The following CDK19 variants were observed in gnomAD, a reference collection of about 807,000 sequenced individuals.
CDK19 encodes cyclin dependent kinase 19.
In CDK19, 20 loss-of-function variants were observed where a neutral mutation model predicts 68.3. The ratio of observed to expected loss-of-function variants is 0.29; its 90% CI spans 0.21 to 0.43. The LOEUF (loss-of-function observed/expected upper bound fraction) is 0.43, where lower values mean the gene tolerates loss of function less well. Among genes scored for constraint, CDK19 ranks in the 20% least tolerant of loss-of-function variants. The pLI is 1.00. For synonymous variants in CDK19, 221 were observed against 222.8 expected (o/e 0.99, Z 0.07); for missense variants, 339 against 623.5 (o/e 0.54, Z 4.86).
intron 4 of CDK19, among the ~76,000 whole-genome samples, chr6:110,653,538 A>C (rs914164914): frequency 1.4e-4 from 22 of 152,214 alleles, no homozygotes; most frequent in Non-Finnish European, 3.1e-4. Context: ...CTGTGAAAGA[A>C]AGTGATACTG....
chr6:110,650,988 G>C (rs112476580), intron 4 of CDK19, among the ~76,000 whole-genome samples: 7 of 152,120 alleles, frequency 4.6e-5, no homozygotes, highest in African/African-American at 1.7e-4. Flanking sequence ...GTTTAGAGTG[G>C]TTAGGAAAAA....
Position 110,681,242 on chromosome 6 carries a change from A to T in CDK19, c.205-10701T>A, listed in dbSNP as rs375156282. Among the ~76,000 whole-genome samples, 69 of 151,840 alleles carry T rather than the reference A, an allele frequency of 4.5e-4. 2 individuals carry two copies. In the South Asian group the frequency reaches 0.014, roughly 32 times the overall value. On this transcript the variant is annotated intron_variant, in intron 2 of 12. Coordinates refer to ENST00000368911, the MANE Select transcript of CDK19 (RefSeq NM_015076.5). The stretch of plus-strand genomic sequence containing the variant: ...ATGCCTGTAGTCCCAGCTACTCGAG[A>T]GACTAAGGCAGGACAATCGCTTGAA...
chr6:110,645,918 C>G (rs1780536708), intron 4 of CDK19: 1 of 921,450 alleles, frequency 1.1e-6, no homozygotes, highest in Admixed American at 2.0e-5. Flanking sequence ...TGTGCCGGGA[C>G]AGCAGGTGCA....
chr6:110,777,355 C>T (rs778499065), intron 1 of CDK19, among the ~76,000 whole-genome samples: 2 of 152,090 alleles, frequency 1.3e-5, no homozygotes, highest in African/African-American at 2.4e-5. Context: ...TTTAAACTTG[C>T]TGTCATTTGG....
At chr6:110,777,939 T>C (rs946545181) in intron 1 of CDK19, among the ~76,000 whole-genome samples, 2 of 152,140 alleles carry the variant, frequency 1.3e-5, no homozygotes, top group Non-Finnish European at 2.9e-5. Flanking sequence ...GTCAAATTCA[T>C]AGAGACAGAA....
chr6:110,693,508 G>A (rs1230406611), intron 2 of CDK19, among the ~76,000 whole-genome samples: 2 of 152,252 alleles, frequency 1.3e-5, no homozygotes, highest in East Asian at 3.8e-4. Context: ...GCCCTGGGGT[G>A]AGAGTGCAGC....
chr6:110,743,898 T>A (rs981426219), intron 2 of CDK19, among the ~76,000 whole-genome samples: 1 of 151,672 alleles, frequency 6.6e-6, no homozygotes, highest in Non-Finnish European at 1.5e-5. Context: ...CATAGAAAAA[T>A]AGCCCACCAA....
intron 1 of CDK19, among the ~76,000 whole-genome samples, chr6:110,798,002 A>AAAAG (rs1562296768): frequency 1.3e-4 from 19 of 150,174 alleles, no homozygotes; most frequent in African/African-American, 3.7e-4. Flanking sequence ...AAAAAAAAAA[A>AAAAG]AAAGAAAGAA....
chr6:110,769,564 C>CAAA (rs199964074), intron 1 of CDK19, among the ~76,000 whole-genome samples: 35 of 117,952 alleles, frequency 3.0e-4, no homozygotes, highest in African/African-American at 9.8e-4. Context: ...GATTCCATCT[C>CAAA]AAAAAAAAAA....
chr6:110,703,343 A>G (rs974873369), intron 2 of CDK19, among the ~76,000 whole-genome samples: 11 of 152,148 alleles, frequency 7.2e-5, no homozygotes, highest in African/African-American at 2.7e-4. Flanking sequence ...AGGGAAATAT[A>G]TTAATTATGT....
In CDK19 at chr6:110,815,103, C is replaced by A. The variant is rs757584020; in HGVS notation, c.34G>T (p.Glu12Ter). ...AACAAATCCTCCACCCGCTCCCGCTCCGCCGCCAGCTTCGCCTTGAAATCA... is the reference window on the plus strand; with the variant it reads ...AACAAATCCTCCACCCGCTCCCGCTACGCCGCCAGCTTCGCCTTGAAATCA... ...DYDFKAKLAA[E>*]RERVEDLFEY... The change falls in exon 1 of 13, where the codon GAG (glutamate) becomes TAG (stop). Residue 12 changes from glutamate (E) to a stop codon, truncating the protein, a stop_gained. Transcript: ENST00000368911. LOFTEE classifies it high-confidence loss of function. 1 of 1,602,616 alleles carries A rather than the reference C, an allele frequency of 6.2e-7. No homozygotes were observed. Among genetic ancestry groups the A allele is most frequent in the Non-Finnish European group, 8.5e-7 (1 of 1,175,644 alleles).
chr6:110,696,511 G>C lies in CDK19; in HGVS notation c.205-25970C>G, dbSNP rs186796685. Among the ~76,000 whole-genome samples the C allele has an allele frequency of 3.3e-5, 5 of 152,260 alleles. No homozygotes were observed. In the East Asian group the frequency reaches 9.6e-4, roughly 29 times the overall value. ...AGTCCTAGCCAGAGCAATCAGACAA[G>C]AGAAAGAAAGAAAGGGCATCCACAT... On this transcript the variant is annotated intron_variant, in intron 2 of 12. Transcript: ENST00000368911.
At chr6:110,702,589 TGCACTTTA>T (rs1188956270) in intron 2 of CDK19, among the ~76,000 whole-genome samples, 2 of 152,166 alleles carry the variant, frequency 1.3e-5, no homozygotes, top group Non-Finnish European at 2.9e-5. Flanking sequence ...ATCGCATCAC[TGCACTTTA>T]GCCTGGGAGA....
At chr6:110,790,832 G>T (rs1380898350) in intron 1 of CDK19, among the ~76,000 whole-genome samples, 6 of 152,056 alleles carry the variant, frequency 3.9e-5, no homozygotes, top group Non-Finnish European at 7.4e-5. Context: ...CAGAGTAACT[G>T]GTTAAACAAA....
intron 2 of CDK19, among the ~76,000 whole-genome samples, chr6:110,683,351 T>A (rs62420298): frequency 0.012 from 1,764 of 152,214 alleles, 15 homozygotes; most frequent in Non-Finnish European, 0.02. Context: ...ACAGTGGCTG[T>A]TGTCATTGTT....
chr6:110,621,481 T>A lies in CDK19; in HGVS notation c.1111-111A>T. Reference sequence around the variant, plus strand: ...GACCAACCTGGGGGAGCAATCTATGTGGGACACTAGAGTGATGGGGAGGAC... The same window carrying A: ...GACCAACCTGGGGGAGCAATCTATGAGGGACACTAGAGTGATGGGGAGGAC... On this transcript the variant is annotated intron_variant, in intron 11 of 12. Coordinates refer to ENST00000368911, the MANE Select transcript of CDK19 (RefSeq NM_015076.5). The surrounding 1 kb of genome is among the most constrained non-coding windows in gnomAD (Gnocchi z 5.4). 1 of 1,054,768 alleles carries A rather than the reference T, an allele frequency of 9.5e-7. No individual in the cohort carries two copies. The highest frequency in any genetic ancestry group is 2.4e-5 in the Admixed American group (1 of 42,538). 65.3% of individuals were successfully genotyped at this position (1,054,768 alleles called of 1,614,324 possible). A position where few individuals can be genotyped will look rare whatever the true frequency, so the allele number is the denominator to read the frequency against.
At chr6:110,785,131 A>C (rs1781113694) in intron 1 of CDK19, among the ~76,000 whole-genome samples, 1 of 152,056 alleles carries the variant, frequency 6.6e-6, no homozygotes, top group Non-Finnish European at 1.5e-5. Flanking sequence ...ACATTTATGG[A>C]AAATGCACTA....
At chr6:110,730,298 A>G (rs1776655631) in intron 2 of CDK19, among the ~76,000 whole-genome samples, 1 of 152,240 alleles carries the variant, frequency 6.6e-6, no homozygotes, top group Non-Finnish European at 1.5e-5. Context: ...AATGCAAGGA[A>G]GCCATGCAGA....
intron 4 of CDK19, among the ~76,000 whole-genome samples, chr6:110,656,413 G>A (rs12661429): frequency 6.6e-6 from 1 of 152,136 alleles, no homozygotes; most frequent in African/African-American, 2.4e-5. Flanking sequence ...CATAACTTTA[G>A]GTACACTATA....
Sources: allele counts gnomAD v4.1 joint callset (sites outside exome capture counted in the v4.1 genomes callset), GRCh38; gene constraint gnomAD v4.1.1; non-coding constraint Gnocchi (gnomAD v3.1); transcripts MANE v1.5; gene names NCBI Gene and HGNC (gene_info 2026-07-23, HGNC 2026-07-21).